The following SV2C variants were observed in gnomAD, a reference collection of about 807,000 sequenced individuals.
The protein encoded by SV2C is solute carrier family 22 member B3.
Under a neutral mutation model 79.7 loss-of-function variants are expected in SV2C, and 49 were observed. The observed-to-expected ratio is 0.61, with a 90% CI of 0.49 to 0.78. The LOEUF (loss-of-function observed/expected upper bound fraction) is 0.78. Ranked by LOEUF, SV2C falls within the 30% of genes least tolerant of loss-of-function variation. The pLI is 0.00. For missense variants in SV2C, 833 were observed against 912.9 expected (o/e 0.91, Z 1.13); for synonymous variants, 334 against 333.2 (o/e 1.00, Z -0.03).
the SV2C span, among the ~76,000 whole-genome samples, chr5:75,976,703 G>A: frequency 2.0e-4 from 30 of 152,196 alleles, no homozygotes; most frequent in East Asian, 5.4e-3. Context: ...GTTAAGTTCA[G>A]TAAGTTCTTT....
chr5:76,064,880 T>C, the SV2C span, among the ~76,000 whole-genome samples: 1 of 152,176 alleles, frequency 6.6e-6, no homozygotes, highest in African/African-American at 2.4e-5. Flanking sequence ...CTAAGAACAA[T>C]GTATTTATGA....
intron 1 of SV2C, among the ~76,000 whole-genome samples, chr5:76,122,758 A>T (rs1748560677): frequency 6.6e-6 from 1 of 152,152 alleles, no homozygotes; most frequent in South Asian, 2.1e-4. Flanking sequence ...CTAAATGCCC[A>T]CAAGGGAAAG....
At chr5:76,039,494 G>T in the SV2C span, among the ~76,000 whole-genome samples, 2 of 152,234 alleles carry the variant, frequency 1.3e-5, no homozygotes, top group African/African-American at 4.8e-5. Context: ...GGTGGCTTAC[G>T]CCTGTAATCC....
chr5:76,246,458 T>C (rs951448533), intron 4 of SV2C, among the ~76,000 whole-genome samples: 1 of 152,242 alleles, frequency 6.6e-6, no homozygotes, highest in Non-Finnish European at 1.5e-5. Flanking sequence ...TATTTATTGC[T>C]GAAGACCTAA....
At chr5:76,065,776 A>G in the SV2C span, among the ~76,000 whole-genome samples, 1 of 152,182 alleles carries the variant, frequency 6.6e-6, no homozygotes, top group South Asian at 2.1e-4. Flanking sequence ...ACACCATAAT[A>G]TGCTAAGCCA....
the SV2C span, among the ~76,000 whole-genome samples, chr5:75,931,316 C>T: frequency 6.6e-6 from 1 of 152,188 alleles, no homozygotes; most frequent in Non-Finnish European, 1.5e-5. Flanking sequence ...TTCTAGTTTA[C>T]ACTTGGTCAC....
chr5:76,099,355 T>G (rs1005636607), intron 1 of SV2C, among the ~76,000 whole-genome samples: 6 of 137,036 alleles, frequency 4.4e-5, no homozygotes, highest in African/African-American at 1.8e-4. Context: ...TATTAGTGCT[T>G]TCTTTTGCTC....
intron 3 of SV2C, among the ~76,000 whole-genome samples, chr5:76,201,800 C>T (rs967297782): frequency 1.3e-5 from 2 of 151,962 alleles, no homozygotes; most frequent in African/African-American, 2.4e-5. Context: ...GGGCGGATCA[C>T]GAGGTCAGGA....
chr5:75,914,811 C>T, the SV2C span, among the ~76,000 whole-genome samples: 2 of 152,146 alleles, frequency 1.3e-5, no homozygotes, highest in Non-Finnish European at 1.5e-5. Flanking sequence ...TGTGATAATG[C>T]TATCCCCATT....
intron 2 of SV2C, among the ~76,000 whole-genome samples, chr5:76,136,739 G>A (rs544285538): frequency 3.9e-5 from 6 of 152,202 alleles, no homozygotes; most frequent in Non-Finnish European, 8.8e-5. Flanking sequence ...ATATAAACAG[G>A]GTTTTGAGAG....
chr5:75,967,964 G>A, the SV2C span, among the ~76,000 whole-genome samples: 1 of 152,152 alleles, frequency 6.6e-6, no homozygotes, highest in African/African-American at 2.4e-5. Flanking sequence ...GTACTCCTCT[G>A]AGACAAAACT....
intron 2 of SV2C, among the ~76,000 whole-genome samples, chr5:76,145,354 A>T (rs1485393742): frequency 6.6e-6 from 1 of 152,230 alleles, no homozygotes; most frequent in Non-Finnish European, 1.5e-5. Flanking sequence ...TCTTCAGAGA[A>T]GCATTTGTGG....
the SV2C span, among the ~76,000 whole-genome samples, chr5:76,076,738 T>C: frequency 2.0e-5 from 3 of 152,194 alleles, no homozygotes; most frequent in East Asian, 1.9e-4. Context: ...ATATTCTACC[T>C]CTACTGCATA....
At chr5:76,276,516 C>T (rs1580012209) in intron 4 of SV2C, among the ~76,000 whole-genome samples, 2 of 152,136 alleles carry the variant, frequency 1.3e-5, no homozygotes, top group South Asian at 2.1e-4. Flanking sequence ...CTTGTAGAGA[C>T]GAGGTTTTGC....
At chr5:75,997,303 C>T in the SV2C span, among the ~76,000 whole-genome samples, 1 of 151,968 alleles carries the variant, frequency 6.6e-6, no homozygotes, top group African/African-American at 2.4e-5. Flanking sequence ...TCTACAACAC[C>T]AAAAGCAATG....
At chr5:76,171,968 C>T (rs1580326430) in intron 2 of SV2C, among the ~76,000 whole-genome samples, 2 of 131,012 alleles carry the variant, frequency 1.5e-5, no homozygotes, top group East Asian at 4.7e-4. Context: ...GCCAGCCGCC[C>T]CGTCCGGGAG....
intron 12 of SV2C, among the ~76,000 whole-genome samples, chr5:76,314,403 C>T (rs537760638): frequency 6.6e-6 from 1 of 152,096 alleles, no homozygotes; most frequent in African/African-American, 2.4e-5. Flanking sequence ...TAAAGCATTG[C>T]CTATTAGAGA....
At chr5:76,306,758 T>C (rs907973995) in intron 12 of SV2C, among the ~76,000 whole-genome samples, 1 of 152,134 alleles carries the variant, frequency 6.6e-6, no homozygotes, top group African/African-American at 2.4e-5. Context: ...AAATTGGAAA[T>C]TCATAAAGAA....
the SV2C span, among the ~76,000 whole-genome samples, chr5:75,856,009 T>C: frequency 6.6e-6 from 1 of 152,208 alleles, no homozygotes. Context: ...ATTGCTTTAA[T>C]TTTTAGCTCC....
Sources: allele counts gnomAD v4.1 joint callset (sites outside exome capture counted in the v4.1 genomes callset), GRCh38; gene constraint gnomAD v4.1.1; transcripts MANE v1.5; gene names NCBI Gene and HGNC (gene_info 2026-07-23, HGNC 2026-07-21).